Variants in SV2C observed in about 807,000 individuals in gnomAD.
The protein encoded by SV2C is solute carrier family 22 member B3.
SV2C carries 49 observed loss-of-function variants against 79.7 expected under a neutral mutation model. That is an observed-to-expected ratio of 0.61 (90% CI 0.49 to 0.78). The LOEUF (loss-of-function observed/expected upper bound fraction) is 0.78. Ranked by LOEUF, SV2C falls within the 30% of genes least tolerant of loss-of-function variation. The pLI, the probability that SV2C is intolerant of heterozygous loss-of-function variation, is 0.00. For synonymous variants in SV2C, 334 were observed against 333.2 expected, an observed-to-expected ratio of 1.00 and a Z score of -0.03; for missense variants, 833 against 912.9, an observed-to-expected ratio of 0.91 and a Z score of 1.13.
At chr5:75,960,333 T>C in the SV2C span, among the ~76,000 whole-genome samples, 1 of 152,020 alleles carries the variant, frequency 6.6e-6, no homozygotes, top group Non-Finnish European at 1.5e-5. Context: ...CACCACATAA[T>C]GATGTTTCTA....
the SV2C span, among the ~76,000 whole-genome samples, chr5:76,037,909 G>A: frequency 4.5e-4 from 68 of 152,208 alleles, no homozygotes; most frequent in Non-Finnish European, 1.2e-4. Context: ...GTGGGCATAG[G>A]ACCCTCCAAG....
intron 2 of SV2C, among the ~76,000 whole-genome samples, chr5:76,189,040 G>A (rs966965267): frequency 6.6e-5 from 10 of 151,998 alleles, no homozygotes; most frequent in African/African-American, 2.4e-4. Context: ...GGAAAGGCTG[G>A]GCCAACTTTG....
intron 12 of SV2C, among the ~76,000 whole-genome samples, chr5:76,310,261 T>A (rs563189822): frequency 1.6e-4 from 25 of 152,312 alleles, no homozygotes; most frequent in South Asian, 6.2e-4. Context: ...TAAAGCTACG[T>A]GGAGCATAGA....
At chr5:76,225,195 T>C (rs1483246604) in intron 4 of SV2C, among the ~76,000 whole-genome samples, 1 of 152,248 alleles carries the variant, frequency 6.6e-6, no homozygotes, top group Non-Finnish European at 1.5e-5. Context: ...AATCTAATTA[T>C]GCAGTGAAGT....
chr5:75,887,378 C>T, the SV2C span, among the ~76,000 whole-genome samples: 17 of 151,982 alleles, frequency 1.1e-4, no homozygotes, highest in Admixed American at 7.9e-4. Flanking sequence ...CACCCCAGCC[C>T]CCCGTAACCA....
intron 12 of SV2C, among the ~76,000 whole-genome samples, chr5:76,309,630 A>AAAAC (rs1554046996): frequency 1.8e-4 from 24 of 131,970 alleles, no homozygotes; most frequent in African/African-American, 2.8e-4. Flanking sequence ...AAAAAACAGA[A>AAAAC]AGAAAGAAAG....
upstream of SV2C, among the ~76,000 whole-genome samples, chr5:76,080,018 A>G (rs1481808837): frequency 2.6e-5 from 4 of 152,030 alleles, no homozygotes; most frequent in Admixed American, 2.0e-4. Context: ...CTAACACCCT[A>G]GAATGTGATT....
chr5:76,176,560 C>G (rs1743536198), intron 2 of SV2C, among the ~76,000 whole-genome samples: 1 of 152,142 alleles, frequency 6.6e-6, no homozygotes, highest in South Asian at 2.1e-4. Flanking sequence ...ATCCTGGTCC[C>G]CATTTACTTA....
chr5:75,968,089 C>T, the SV2C span, among the ~76,000 whole-genome samples: 1 of 152,206 alleles, frequency 6.6e-6, no homozygotes, highest in Admixed American at 6.5e-5. Context: ...CAGCAAACTC[C>T]AACAGACCTG....
intron 2 of SV2C, among the ~76,000 whole-genome samples, chr5:76,139,311 A>T (rs567997070): frequency 6.6e-6 from 1 of 152,168 alleles, no homozygotes; most frequent in Non-Finnish European, 1.5e-5. Context: ...TGCATTAGAC[A>T]TCCTTGGCCT....
chr5:75,913,325 T>A, the SV2C span, among the ~76,000 whole-genome samples: 1 of 152,166 alleles, frequency 6.6e-6, no homozygotes, highest in Admixed American at 6.5e-5. Flanking sequence ...GGAAGATAAC[T>A]GTATCATGCT....
intron 3 of SV2C, among the ~76,000 whole-genome samples, chr5:76,207,165 C>CAAA (rs34587990): frequency 1.4e-5 from 2 of 143,412 alleles, no homozygotes; most frequent in South Asian, 2.2e-4. Context: ...AGCCACACTG[C>CAAA]AAAAAAAAAA....
intron 7 of SV2C, 66 bp downstream of exon 7, chr5:76,291,397 G>A: frequency 7.6e-7 from 1 of 1,309,362 alleles, no homozygotes; most frequent in Non-Finnish European, 1.1e-6. Flanking sequence ...TCAGAAGAGG[G>A]GTTTACTGGG....
chr5:76,013,447 C>T, the SV2C span, among the ~76,000 whole-genome samples: 2 of 152,124 alleles, frequency 1.3e-5, no homozygotes, highest in African/African-American at 4.8e-5. Flanking sequence ...GATTTATGCA[C>T]ATTGATTTTG....
In SV2C at chr5:76,291,315, G is replaced by T. The variant is rs190593094; in HGVS notation, c.1232G>T (p.Arg411Leu). 11 of 1,609,954 alleles carry T rather than the reference G, an allele frequency of 6.8e-6. No homozygotes were observed. In the African/African-American group the frequency reaches 1.2e-4, roughly 18 times the overall value. Residue 411 changes from arginine to leucine, a missense_variant, in exon 7 of 13, where the codon CGC (arginine) becomes CTC (leucine). Physicochemically the swap from Arg to Leu is moderately radical, Grantham distance 102 (BLOSUM62 -2). Transcript: ENST00000502798. ...TATAGGAGGTGTTTTGTTCGGATCC[G>T]CACCGAGCTGTACGGAGTAAGTAAC... ...TWYRRCFVRI[R>L]TELYGIWLTF...
intron 2 of SV2C, among the ~76,000 whole-genome samples, chr5:76,166,080 C>T (rs963844251): frequency 1.3e-5 from 2 of 152,190 alleles, no homozygotes; most frequent in African/African-American, 4.8e-5. Context: ...CCTTAGGGGA[C>T]ACTGTTCTCC....
chr5:76,144,639 T>C (rs1175419493), intron 2 of SV2C, among the ~76,000 whole-genome samples: 3 of 152,142 alleles, frequency 2.0e-5, no homozygotes, highest in Non-Finnish European at 4.4e-5. Context: ...CCTGAGGAGA[T>C]ACAAAAGGAG....
the SV2C span, among the ~76,000 whole-genome samples, chr5:76,038,118 A>C: frequency 9.9e-5 from 15 of 152,180 alleles, no homozygotes; most frequent in Non-Finnish European, 2.1e-4. Context: ...CGGTGCGTGC[A>C]CCCACTGACC....
At chr5:76,017,556 G>A in the SV2C span, among the ~76,000 whole-genome samples, 1 of 152,164 alleles carries the variant, frequency 6.6e-6, no homozygotes, top group Non-Finnish European at 1.5e-5. Flanking sequence ...TGGGATTACA[G>A]GTGTGAGCCA....
Sources: gnomAD v4.1 joint callset for allele counts (sites outside exome capture counted in the v4.1 genomes callset) on GRCh38, gnomAD v4.1.1 for gene constraint, MANE v1.5 for transcripts, NCBI Gene and HGNC (gene_info 2026-07-23, HGNC 2026-07-21) for gene names.